Variants in PRIM2 observed in about 807,000 individuals in gnomAD.
PRIM2 encodes DNA primase large subunit.
Under a neutral mutation model 67.3 loss-of-function variants are expected in PRIM2, and 39 were observed. The observed-to-expected ratio is 0.58, with a 90% CI of 0.45 to 0.76. The LOEUF (loss-of-function observed/expected upper bound fraction) is 0.76. Among genes scored for constraint, PRIM2 ranks in the 30% least tolerant of loss-of-function variants. PRIM2 has a pLI of 0.00. For synonymous variants in PRIM2, 143 were observed against 198.7 expected, an observed-to-expected ratio of 0.72 and a Z score of 2.36; for missense variants, 398 against 598.7, an observed-to-expected ratio of 0.66 and a Z score of 3.50.
At chr6:57,410,924 CTT>C (rs1333244999) in intron 7 of PRIM2, among the ~76,000 whole-genome samples, 4 of 141,428 alleles carry the variant, frequency 2.8e-5, no homozygotes, top group Admixed American at 7.1e-5. Flanking sequence ...TTCTCGTTTG[CTT>C]TTTTTTTTTG....
the PRIM2 span, among the ~76,000 whole-genome samples, chr6:57,276,333 G>A: frequency 4.6e-5 from 7 of 152,142 alleles, no homozygotes; most frequent in South Asian, 8.3e-4. Flanking sequence ...GAGGGTTGCA[G>A]TGAGCTGAGA....
chr6:57,333,127 T>C (rs919726340), intron 5 of PRIM2, among the ~76,000 whole-genome samples: 3 of 152,188 alleles, frequency 2.0e-5, no homozygotes, highest in African/African-American at 7.2e-5. Context: ...TTCAATAGTG[T>C]ACAAACTTTT....
At chr6:57,339,105 A>G (rs972753138) in intron 5 of PRIM2, among the ~76,000 whole-genome samples, 1 of 151,926 alleles carries the variant, frequency 6.6e-6, no homozygotes, top group South Asian at 2.1e-4. Context: ...CCCATTCACA[A>G]TTGCTTCAAA....
the PRIM2 span, among the ~76,000 whole-genome samples, chr6:57,241,449 A>T: frequency 2.0e-5 from 3 of 151,736 alleles, no homozygotes; most frequent in Non-Finnish European, 4.4e-5. Context: ...CCTCTTCATG[A>T]TAGGAAGTTG....
At chr6:57,540,293 C>CGAGAGA (rs1199962171) in intron 10 of PRIM2, among the ~76,000 whole-genome samples, 2 of 148,848 alleles carry the variant, frequency 1.3e-5, no homozygotes, top group African/African-American at 4.9e-5. Flanking sequence ...ACACACACAG[C>CGAGAGA]GAGAGAGAGA....
chr6:57,523,017 T>C (rs1271970860), intron 8 of PRIM2, among the ~76,000 whole-genome samples: 4 of 152,310 alleles, frequency 2.6e-5, no homozygotes, highest in Admixed American at 2.0e-4. Context: ...TTTTATGTGA[T>C]AGTATGAAGA....
intron 7 of PRIM2, among the ~76,000 whole-genome samples, chr6:57,495,276 A>G (rs1554346268): frequency 2.6e-5 from 4 of 152,206 alleles, no homozygotes; most frequent in African/African-American, 7.2e-5. Flanking sequence ...AAATAGTGCA[A>G]TATCTGATTA....
intron 13 of PRIM2, among the ~76,000 whole-genome samples, chr6:57,637,070 A>G (rs1479869934): frequency 6.6e-6 from 1 of 152,216 alleles, no homozygotes; most frequent in Non-Finnish European, 1.5e-5. Flanking sequence ...ACAGGGCACA[A>G]TCTTTGCTGT....
Position 57,353,478 on chromosome 6 carries a change from C to T in PRIM2, c.460-26423C>T, listed in dbSNP as rs536542976. Among the ~76,000 whole-genome samples, 587 of 152,288 alleles carry T rather than the reference C, an allele frequency of 3.9e-3. 3 individuals are homozygous for T. The highest frequency in any genetic ancestry group is 0.013 in the African/African-American group (554 of 41,568). ...ATACCACTTAAAATGGATTAGAATT[C>T]ATTTTCTTATTCCTGTTTAAAATAA... On this transcript the variant is annotated intron_variant, in intron 5 of 13. Transcript: ENST00000615550.
the PRIM2 span, among the ~76,000 whole-genome samples, chr6:57,282,186 G>C: frequency 2.0e-5 from 3 of 152,102 alleles, no homozygotes; most frequent in Non-Finnish European, 4.4e-5. Flanking sequence ...GCATAGTTGT[G>C]TCTGTGTATA....
chr6:57,315,440 C>G (rs1227258699), upstream of PRIM2, among the ~76,000 whole-genome samples: 1 of 152,068 alleles, frequency 6.6e-6, no homozygotes, highest in Non-Finnish European at 1.5e-5. Context: ...AAGAACTACA[C>G]CATATGGGAG....
chr6:57,287,199 G>A, the PRIM2 span, among the ~76,000 whole-genome samples: 2 of 152,282 alleles, frequency 1.3e-5, no homozygotes, highest in Admixed American at 1.3e-4. Context: ...AGACAGTGTG[G>A]CGATTCCTGA....
intron 7 of PRIM2, among the ~76,000 whole-genome samples, chr6:57,501,333 C>T (rs1774126452): frequency 3.3e-5 from 5 of 151,794 alleles, no homozygotes; most frequent in African/African-American, 1.2e-4. Context: ...GAGTTTTGCT[C>T]TTGTCAGCCA....
At chr6:57,629,602 T>A (rs1465953756) in intron 12 of PRIM2, among the ~76,000 whole-genome samples, 1 of 152,130 alleles carries the variant, frequency 6.6e-6, no homozygotes, top group African/African-American at 2.4e-5. Flanking sequence ...ATCTGACCAC[T>A]TACCATCGCC....
At chr6:57,238,577 A>C in the PRIM2 span, among the ~76,000 whole-genome samples, 1 of 152,226 alleles carries the variant, frequency 6.6e-6, no homozygotes, top group Non-Finnish European at 1.5e-5. Context: ...TGTACAGGGA[A>C]ATTTATAGCA....
At chr6:57,469,092 T>C (rs1773275156) in intron 7 of PRIM2, among the ~76,000 whole-genome samples, 1 of 152,226 alleles carries the variant, frequency 6.6e-6, no homozygotes, top group African/African-American at 2.4e-5. Context: ...GATTTCCTTA[T>C]CATCACCGTT....
chr6:57,491,199 T>C (rs1473447353), intron 7 of PRIM2, among the ~76,000 whole-genome samples: 1 of 152,200 alleles, frequency 6.6e-6, no homozygotes, highest in Non-Finnish European at 1.5e-5. Flanking sequence ...TTTAGAATGA[T>C]AGCATAGATT....
rs1305867455 is a variant in PRIM2 at position 57,526,680 on chromosome 6, CCTTA to C, written c.762-5726_762-5723del. Among the ~76,000 whole-genome samples the C allele has an allele frequency of 2.8e-4, 43 of 152,116 alleles. No individual in the cohort carries two copies. The South Asian group carries it at 8.7e-3, about 31-fold the overall frequency. On this transcript the variant is annotated intron_variant, in intron 8 of 13. Coordinates refer to ENST00000615550, the MANE Select transcript of PRIM2 (RefSeq NM_000947.5). ...GGAAAGCTTTTATGCTTACTGAATC[CCTTA>C]CTTAAAAAACTATGTTGGTGACAGT...
the PRIM2 span, among the ~76,000 whole-genome samples, chr6:57,267,897 A>T: frequency 6.5e-3 from 986 of 151,980 alleles, 5 homozygotes; most frequent in Non-Finnish European, 8.7e-3. Flanking sequence ...TGTTGCAGAG[A>T]AGATCGTGGA....
Sources: gnomAD v4.1 joint callset for allele counts (sites outside exome capture counted in the v4.1 genomes callset) on GRCh38, gnomAD v4.1.1 for gene constraint, MANE v1.5 for transcripts, NCBI Gene and HGNC (gene_info 2026-07-23, HGNC 2026-07-21) for gene names.